ZNF674: variants seen among roughly 807,000 people sequenced by gnomAD.
The protein encoded by ZNF674 is zinc finger protein 674.
ZNF674 carries 2 observed loss-of-function variants against 7.0 expected under a neutral mutation model. The ratio of observed to expected loss-of-function variants is 0.29; its 90% CI spans 0.12 to 0.90. The LOEUF (loss-of-function observed/expected upper bound fraction) is 0.90. ZNF674 is among the 40% of genes least tolerant of loss of function. ZNF674 has a pLI of 0.57. For missense variants in ZNF674, 297 were observed against 415.5 expected (o/e 0.71, Z 2.48); for synonymous variants, 103 against 145.2 (o/e 0.71, Z 2.09).
chrX:46,508,687 G>A (rs1040617242), intron 5 of ZNF674, among the ~76,000 whole-genome samples: 1 of 111,312 alleles, frequency 9.0e-6, no homozygotes, highest in African/African-American at 3.3e-5. Flanking sequence ...CACGTCCCTT[G>A]TAAGTTGGAT....
rs780507155 is a variant in ZNF674 at position 46,519,273 on chromosome X, T to TAGATA, written c.238+9076_238+9077insTATCT. 1.4e-3 allele frequency among the ~76,000 whole-genome samples: 103 copies of TAGATA among 75,065 alleles called. 1 individual carries two copies. The highest frequency in any genetic ancestry group is 1.8e-3 in the Non-Finnish European group (73 of 40,410). 65.2% of individuals were successfully genotyped at this position (75,065 alleles called of 115,157 possible). A position where few individuals can be genotyped will look rare whatever the true frequency, so the allele number is the denominator to read the frequency against. On this transcript the variant is annotated intron_variant, in intron 5 of 5. Transcript: ENST00000683375. ...AGATAGATAGATAGATAAAGATAGA[T>TAGATA]GATAGATAGATAGATAGATAGATAG... is the stretch of plus-strand genomic sequence containing the variant.
At chrX:46,507,516 A>G (rs1008231711) in intron 5 of ZNF674, among the ~76,000 whole-genome samples, 5 of 111,854 alleles carry the variant, frequency 4.5e-5, no homozygotes, top group Admixed American at 1.9e-4. Flanking sequence ...CCAAGGATCA[A>G]AACCCACAAA....
At position 46,500,684 on chromosome X, in the gene ZNF674, T is replaced by C. The variant is rs1941405898; in HGVS notation, c.890A>G (p.His297Arg). 1 of 1,210,518 alleles carries C rather than the reference T, an allele frequency of 8.3e-7. No individual in the cohort carries two copies. The highest frequency in any genetic ancestry group is 2.2e-5 in the Admixed American group (1 of 45,814). Residue 297 changes from histidine to arginine, a missense_variant, in exon 6 of 6, where the codon CAT (histidine) becomes CGT (arginine). Coordinates refer to ENST00000683375, the MANE Select transcript of ZNF674 (RefSeq NM_001190417.2). ...KSTLIKHQRTHTGEKPFVCDK... is the reference protein window; with the variant it reads ...KSTLIKHQRTRTGEKPFVCDK... ...ACATACAAATGGTTTCTCTCCTGTA[T>C]GAGTTCGTTGATGTTTAATCAGAGT...
intron 3 of ZNF674, among the ~76,000 whole-genome samples, chrX:46,535,303 C>T (rs1942183205): frequency 4.5e-5 from 5 of 110,196 alleles, no homozygotes; most frequent in South Asian, 7.8e-4. Flanking sequence ...CGCACCACCA[C>T]GTCCAGCTAA....
rs369302328 is a variant in ZNF674, at chrX:46,511,166, G to A, written c.239-9831C>T. 9.0e-5 allele frequency among the ~76,000 whole-genome samples: 10 copies of A among 111,712 alleles called. No homozygotes were observed. The East Asian group carries it at 2.8e-3, about 31-fold the overall frequency. On this transcript the variant is annotated intron_variant, in intron 5 of 5. Coordinates refer to ENST00000683375, the MANE Select transcript of ZNF674 (RefSeq NM_001190417.2). ...AATATCATTGTATCTATTAAACATT[G>A]TACTACAGGTCCTAATTCATTGAGA... is the stretch of plus-strand genomic sequence containing the variant.
chrX:46,540,890 C>T (rs1396817493), intron 3 of ZNF674, among the ~76,000 whole-genome samples: 1 of 106,961 alleles, frequency 9.3e-6, no homozygotes, highest in Non-Finnish European at 1.9e-5. Context: ...ATGGTAAAGC[C>T]CCGTCTCTAC....
At chrX:46,515,796 G>T (rs1408077370) in intron 5 of ZNF674, among the ~76,000 whole-genome samples, 2 of 110,777 alleles carry the variant, frequency 1.8e-5, no homozygotes, top group Non-Finnish European at 3.8e-5. Flanking sequence ...TTTTGGTAGA[G>T]ATGGGGTCTT....
intron 3 of ZNF674, among the ~76,000 whole-genome samples, chrX:46,531,542 T>C (rs5952385): frequency 0.27 from 30,198 of 110,663 alleles, 3,154 homozygotes; most frequent in Middle Eastern, 0.38. Flanking sequence ...CACTGGAGAA[T>C]GACTTGGTAT....
chrX:46,509,785 C>T lies in ZNF674; in HGVS notation c.239-8450G>A, dbSNP rs754387545. On this transcript the variant is annotated intron_variant, in intron 5 of 5. Coordinates refer to ENST00000683375, the MANE Select transcript of ZNF674 (RefSeq NM_001190417.2). ...ACCATTTGACCCAGCCATCCCATTA[C>T]TGGGTATATACCCAAAGGACTATAA... 5.8e-3 allele frequency among the ~76,000 whole-genome samples: 593 copies of T among 101,766 alleles called. 4 individuals are homozygous for T. The highest frequency in any genetic ancestry group is 0.021 in the African/African-American group (575 of 27,438). The allele number at this position is 101,766 out of a possible 115,157, so 88.4% of individuals were successfully genotyped here.
chrX:46,545,182 CTCAA>C (rs1942356590), intron 1 of ZNF674, among the ~76,000 whole-genome samples, 185 bp downstream of exon 1: 1 of 110,648 alleles, frequency 9.0e-6, no homozygotes, highest in African/African-American at 3.3e-5. Flanking sequence ...CGCTGAGTGA[CTCAA>C]TCAATTAGTC....
chrX:46,540,879 C>A (rs750726284), intron 3 of ZNF674, among the ~76,000 whole-genome samples: 1 of 108,445 alleles, frequency 9.2e-6, no homozygotes, highest in Admixed American at 1.0e-4. Context: ...GCCTGGCCAA[C>A]ATGGTAAAGC....
chrX:46,508,864 G>T (rs2146593274), intron 5 of ZNF674, among the ~76,000 whole-genome samples: 1 of 110,764 alleles, frequency 9.0e-6, no homozygotes, highest in Non-Finnish European at 1.9e-5. Flanking sequence ...GAGATTTTGG[G>T]CTGAGACAAT....
intron 5 of ZNF674, among the ~76,000 whole-genome samples, chrX:46,513,570 C>G (rs1055485651): frequency 8.9e-6 from 1 of 111,839 alleles, no homozygotes; most frequent in African/African-American, 3.2e-5. Flanking sequence ...ATACATTTCA[C>G]GAAGCTGTAT....
intron 5 of ZNF674, among the ~76,000 whole-genome samples, chrX:46,502,045 C>T (rs953481729): frequency 1.1e-4 from 12 of 110,454 alleles, no homozygotes; most frequent in Non-Finnish European, 2.1e-4. Context: ...CGGTGGCTCA[C>T]GCCTGTAATC....
intron 5 of ZNF674, among the ~76,000 whole-genome samples, chrX:46,505,877 A>G (rs1743697215): frequency 9.0e-6 from 1 of 111,628 alleles, no homozygotes; most frequent in East Asian, 2.8e-4. Context: ...CTGCTCTCCC[A>G]CTGGCTCCCC....
At chrX:46,533,718 C>T (rs759809430) in intron 3 of ZNF674, among the ~76,000 whole-genome samples, 3 of 102,124 alleles carry the variant, frequency 2.9e-5, no homozygotes, top group East Asian at 6.2e-4. Context: ...GCAGGAGAAT[C>T]GCTTGTACCC....
intron 5 of ZNF674, among the ~76,000 whole-genome samples, chrX:46,506,078 T>C (rs767627953): frequency 1.3e-4 from 15 of 112,446 alleles, no homozygotes; most frequent in Non-Finnish European, 2.6e-4. Context: ...AAAGGTAACC[T>C]GTAGGAAAGT....
At chrX:46,531,707 G>A (rs1444199748) in intron 3 of ZNF674, among the ~76,000 whole-genome samples, 6 of 111,160 alleles carry the variant, frequency 5.4e-5, no homozygotes, top group Admixed American at 9.7e-5. Flanking sequence ...GTCACACACA[G>A]CTAAATATGA....
At chrX:46,508,520 T>A (rs1443328046) in intron 5 of ZNF674, among the ~76,000 whole-genome samples, 1 of 111,865 alleles carries the variant, frequency 8.9e-6, no homozygotes, top group Non-Finnish European at 1.9e-5. Context: ...GGTAGCTTGA[T>A]GGGGATGGCA....
Sources: gnomAD v4.1 joint callset for allele counts (sites outside exome capture counted in the v4.1 genomes callset) on GRCh38, gnomAD v4.1.1 for gene constraint, MANE v1.5 for transcripts, NCBI Gene and HGNC (gene_info 2026-07-23, HGNC 2026-07-21) for gene names.